RBFOX1: variants seen among roughly 807,000 people sequenced by gnomAD.
The protein encoded by RBFOX1 is RNA binding protein fox-1 homolog 1.
RBFOX1 carries 8 observed loss-of-function variants against 57.7 expected under a neutral mutation model. The ratio of observed to expected loss-of-function variants is 0.14; its 90% confidence interval spans 0.08 to 0.25. RBFOX1 has a LOEUF of 0.25. RBFOX1 is among the 10% of genes least tolerant of loss of function. The pLI, the probability that RBFOX1 is intolerant of heterozygous loss-of-function variation, is 1.00. For synonymous variants in RBFOX1, 326 were observed against 222.4 expected, an observed-to-expected ratio of 1.47 and a Z score of -4.15; for missense variants, 611 against 548.5, an observed-to-expected ratio of 1.11 and a Z score of -1.14.
rs75120571 is a variant in RBFOX1 at position 7,569,442 on chromosome 16, C to T, written c.271-10335C>T. 7.2e-3 allele frequency among the ~76,000 whole-genome samples: 1,100 copies of T among 152,204 alleles called. 13 individuals carry two copies. The highest frequency in any genetic ancestry group is 0.025 in the African/African-American group (1,049 of 41,510). On this transcript the variant is annotated intron_variant, in intron 5 of 15. Coordinates refer to ENST00000550418, the MANE Select transcript of RBFOX1 (RefSeq NM_018723.4). ...GTAATGGTGGGTTGAGTTTTTCTCA[C>T]GGGGTGTTCACTCTGACATTGGGGG...
At chr16:6,886,086 G>A (rs944103880) in intron 3 of RBFOX1, among the ~76,000 whole-genome samples, 4 of 144,376 alleles carry the variant, frequency 2.8e-5, no homozygotes, top group South Asian at 2.2e-4. Context: ...TTTTTGAGAC[G>A]GAGTCTCGCT....
intron 1 of RBFOX1, among the ~76,000 whole-genome samples, chr16:5,423,798 C>T (rs2067429326): frequency 6.6e-6 from 1 of 152,120 alleles, no homozygotes; most frequent in South Asian, 2.1e-4. Context: ...CGTGTTGCAT[C>T]CAACCTGATT....
intron 2 of RBFOX1, among the ~76,000 whole-genome samples, chr16:6,498,001 C>A (rs1043622787): frequency 6.6e-6 from 1 of 152,060 alleles, no homozygotes; most frequent in Non-Finnish European, 1.5e-5. Context: ...GTAATCCCAA[C>A]ACTTTGGGAG....
intron 1 of RBFOX1, among the ~76,000 whole-genome samples, chr16:6,173,809 C>A (rs2096981352): frequency 6.6e-6 from 1 of 151,896 alleles, no homozygotes; most frequent in Non-Finnish European, 1.5e-5. Flanking sequence ...GGGTTTTTGC[C>A]ATGTTGGCCA....
chr16:5,886,536 G>T (rs530811135), intron 4 of RBFOX1, among the ~76,000 whole-genome samples: 2 of 152,106 alleles, frequency 1.3e-5, no homozygotes, highest in African/African-American at 4.8e-5. Flanking sequence ...ACTAACATTT[G>T]GTCTTCTTAT....
At chr16:7,262,062 G>A (rs1253948360) in intron 4 of RBFOX1, among the ~76,000 whole-genome samples, 5 of 152,218 alleles carry the variant, frequency 3.3e-5, no homozygotes, top group African/African-American at 1.2e-4. Context: ...GTACCTTTTT[G>A]GAGGTTTCAC....
At chr16:5,706,680 C>T (rs4517802) in intron 3 of RBFOX1, among the ~76,000 whole-genome samples, 2 of 152,088 alleles carry the variant, frequency 1.3e-5, no homozygotes, top group African/African-American at 4.8e-5. Flanking sequence ...ATATTTATGT[C>T]TTTCCTAAAG....
At chr16:6,129,842 A>C (rs554504064) in intron 1 of RBFOX1, among the ~76,000 whole-genome samples, 4 of 152,170 alleles carry the variant, frequency 2.6e-5, no homozygotes, top group Admixed American at 2.0e-4. Flanking sequence ...CTGATTTCTC[A>C]TAGAAACTGT....
At chr16:6,538,810 G>A (rs937866445) in intron 2 of RBFOX1, among the ~76,000 whole-genome samples, 3 of 152,162 alleles carry the variant, frequency 2.0e-5, no homozygotes, top group East Asian at 1.9e-4. Flanking sequence ...GCTAATATGC[G>A]GTTCTTTGTC....
chr16:7,211,370 C>T (rs58816314), intron 4 of RBFOX1, among the ~76,000 whole-genome samples: 15,520 of 125,620 alleles, frequency 0.12, 921 homozygotes, highest in Middle Eastern at 0.17. Flanking sequence ...CCAGCCTGGG[C>T]GACAGAGTGA....
intron 4 of RBFOX1, among the ~76,000 whole-genome samples, chr16:7,211,160 G>T (rs1222874228): frequency 2.0e-5 from 3 of 151,692 alleles, no homozygotes. Flanking sequence ...GGGAGGCCGA[G>T]GTGGGGGGAT....
chr16:7,193,315 A>G (rs1193915416), intron 4 of RBFOX1, among the ~76,000 whole-genome samples: 1 of 152,232 alleles, frequency 6.6e-6, no homozygotes, highest in Non-Finnish European at 1.5e-5. Context: ...GCTAGAGTCT[A>G]GAAAAGGCAA....
intron 1 of RBFOX1, among the ~76,000 whole-genome samples, chr16:6,223,780 T>C (rs946112271): frequency 9.9e-5 from 15 of 152,188 alleles, no homozygotes; most frequent in Admixed American, 3.9e-4. Context: ...CTTGCCCATG[T>C]CTATGTCTTG....
At chr16:6,279,905 A>G (rs959406006) in intron 1 of RBFOX1, among the ~76,000 whole-genome samples, 2 of 151,914 alleles carry the variant, frequency 1.3e-5, no homozygotes, top group African/African-American at 4.8e-5. Context: ...TTTTTTTTTA[A>G]TGATCTGGAA....
chr16:6,086,054 A>T (rs533492729), intron 1 of RBFOX1, among the ~76,000 whole-genome samples: 1 of 151,846 alleles, frequency 6.6e-6, no homozygotes, highest in African/African-American at 2.4e-5. Context: ...GCTACTACTT[A>T]TGAGTGAGAA....
At chr16:7,176,665 C>T (rs534336145) in intron 4 of RBFOX1, among the ~76,000 whole-genome samples, 1 of 152,112 alleles carries the variant, frequency 6.6e-6, no homozygotes, top group South Asian at 2.1e-4. Flanking sequence ...TGCCCCTTTA[C>T]TGGAAAAGGT....
intron 2 of RBFOX1, among the ~76,000 whole-genome samples, chr16:5,492,919 A>G (rs562105724): frequency 3.5e-4 from 53 of 152,252 alleles, no homozygotes; most frequent in African/African-American, 1.3e-3. Flanking sequence ...TCGTTGTGGA[A>G]TCCTGTTCAC....
intron 12 of RBFOX1, among the ~76,000 whole-genome samples, chr16:7,660,777 G>A (rs1405070915): frequency 2.0e-5 from 3 of 152,148 alleles, no homozygotes; most frequent in African/African-American, 7.2e-5. Context: ...TGTTGGCTGG[G>A]CATGGGGCCC....
At chr16:5,599,102 G>T (rs759381263) in exon 3 of RBFOX1, 1 of 851,376 alleles carries the variant, frequency 1.2e-6, no homozygotes, top group Non-Finnish European at 1.9e-6. Context: ...CTGGGTTTGA[G>T]GGGAATAAAT....
Sources: gnomAD v4.1 joint callset for allele counts (sites outside exome capture counted in the v4.1 genomes callset) on GRCh38, gnomAD v4.1.1 for gene constraint, MANE v1.5 for transcripts, NCBI Gene and HGNC (gene_info 2026-07-23, HGNC 2026-07-21) for gene names.